Variants in MECOM observed in about 807,000 individuals in gnomAD.
MECOM encodes the protein histone-lysine N-methyltransferase MECOM.
MECOM carries 13 observed loss-of-function variants against 116.3 expected under a neutral mutation model. The observed-to-expected ratio is 0.11, with a 90% CI of 0.07 to 0.18. MECOM has a LOEUF of 0.18. Among genes scored for constraint, MECOM ranks in the 10% least tolerant of loss-of-function variants. The pLI is 1.00. For missense variants in MECOM, 1,299 were observed against 1,509.0 expected (o/e 0.86, Z 2.31); for synonymous variants, 528 against 535.2 (o/e 0.99, Z 0.19).
chr3:169,408,839 A>G (rs1038232976), intron 1 of MECOM, among the ~76,000 whole-genome samples: 3 of 151,956 alleles, frequency 2.0e-5, no homozygotes, highest in African/African-American at 2.4e-5. Context: ...ACACTTTTTA[A>G]AAGGAGATTT....
intron 2 of MECOM, among the ~76,000 whole-genome samples, chr3:169,155,480 T>C (rs1741816424): frequency 6.6e-6 from 1 of 152,154 alleles, no homozygotes; most frequent in Non-Finnish European, 1.5e-5. Context: ...GTGAAGGCTA[T>C]TGTCCTTTTA....
At chr3:169,139,757 G>T (rs1737530967) in intron 3 of MECOM, among the ~76,000 whole-genome samples, 1 of 151,964 alleles carries the variant, frequency 6.6e-6, no homozygotes, top group African/African-American at 2.4e-5. Context: ...GGGGGTCTAT[G>T]GGTAGGTAGC....
At chr3:169,434,893 T>C (rs1009449798) in intron 1 of MECOM, among the ~76,000 whole-genome samples, 20 of 152,186 alleles carry the variant, frequency 1.3e-4, no homozygotes, top group Non-Finnish European at 1.5e-5. Context: ...TAAACTTCAT[T>C]ACATCATTTT....
At chr3:169,274,906 T>C (rs907184953) in intron 2 of MECOM, among the ~76,000 whole-genome samples, 2 of 152,080 alleles carry the variant, frequency 1.3e-5, no homozygotes, top group African/African-American at 4.8e-5. Flanking sequence ...AAATATAAAC[T>C]AAAATAAAAG....
intron 1 of MECOM, among the ~76,000 whole-genome samples, chr3:169,583,093 G>A (rs1765314553): frequency 6.6e-6 from 1 of 152,186 alleles, no homozygotes; most frequent in South Asian, 2.1e-4. Context: ...TTGGGAAATT[G>A]TCTTAATCTC....
intron 2 of MECOM, among the ~76,000 whole-genome samples, chr3:169,320,533 A>AC (rs747562366): frequency 1.8e-4 from 28 of 151,750 alleles, no homozygotes; most frequent in Non-Finnish European, 3.7e-4. Flanking sequence ...AAAGCCAATG[A>AC]CCCCCCTGTT....
intron 1 of MECOM, among the ~76,000 whole-genome samples, chr3:169,407,159 A>G (rs1307030550): frequency 2.6e-5 from 4 of 152,098 alleles, no homozygotes; most frequent in Non-Finnish European, 1.5e-5. Context: ...TTTCAAGGTT[A>G]TTCTAATAGT....
chr3:169,510,957 A>T (rs1755894876), intron 1 of MECOM, among the ~76,000 whole-genome samples: 1 of 152,196 alleles, frequency 6.6e-6, no homozygotes, highest in South Asian at 2.1e-4. Flanking sequence ...CAAGAAACTA[A>T]TTCAAAGCGT....
chr3:169,416,540 G>A (rs1382171503), intron 1 of MECOM, among the ~76,000 whole-genome samples: 2 of 150,680 alleles, frequency 1.3e-5, no homozygotes, highest in Non-Finnish European at 3.0e-5. Flanking sequence ...CAGAACTGAA[G>A]GAAATAGAGA....
rs188324024 is a variant in MECOM at position 169,522,284 on chromosome 3, C to T, written c.38-140760G>A. Among the ~76,000 whole-genome samples the T allele has an allele frequency of 2.0e-5, 3 of 152,286 alleles. No homozygotes were observed. The East Asian group carries it at 5.8e-4, about 29-fold the overall frequency. ...AAAAAAGTAAGATCTTGATCTCAGA[C>T]CTTAAAAAGTTCTAGTTTCTTTTCT... On this transcript the variant is annotated intron_variant, in intron 1 of 16. Coordinates refer to ENST00000651503, the MANE Select transcript of MECOM (RefSeq NM_004991.4).
intron 1 of MECOM, among the ~76,000 whole-genome samples, chr3:169,455,975 A>G (rs1176951490): frequency 6.6e-6 from 1 of 152,234 alleles, no homozygotes; most frequent in Non-Finnish European, 1.5e-5. Flanking sequence ...TTGGCCTGCA[A>G]AAGTTATCAT....
rs111415828 is a variant in MECOM, at chr3:169,531,269, C to G, written c.37+132067G>C. Among the ~76,000 whole-genome samples the G allele has an allele frequency of 8.2e-3, 1,242 of 152,282 alleles. 22 individuals are homozygous for G. The highest frequency in any genetic ancestry group is 0.028 in the African/African-American group (1,165 of 41,552). ...ACAATTAATTTATCTGCCAAAGACA[C>G]ACTTAACTGTTTCATGAGGCTCCTG... On this transcript the variant is annotated intron_variant, in intron 1 of 16. Coordinates refer to ENST00000651503, the MANE Select transcript of MECOM (RefSeq NM_004991.4).
chr3:169,544,124 A>G (rs985473015), intron 1 of MECOM, among the ~76,000 whole-genome samples: 10 of 152,210 alleles, frequency 6.6e-5, no homozygotes, highest in African/African-American at 9.6e-5. Context: ...CTGACCTCAG[A>G]AGCTGCTCTT....
intron 1 of MECOM, among the ~76,000 whole-genome samples, chr3:169,493,430 C>A (rs1753368993): frequency 6.6e-6 from 1 of 152,110 alleles, no homozygotes; most frequent in African/African-American, 2.4e-5. Flanking sequence ...GTAACAAAAC[C>A]ACATTGCTGC....
intron 1 of MECOM, among the ~76,000 whole-genome samples, chr3:169,485,973 C>T (rs370559072): frequency 0.079 from 4,252 of 53,546 alleles, 136 homozygotes; most frequent in Non-Finnish European, 0.086. Context: ...ACTATATATA[C>T]ATATATATAT....
At chr3:169,206,893 G>A (rs995713447) in intron 2 of MECOM, among the ~76,000 whole-genome samples, 1 of 151,932 alleles carries the variant, frequency 6.6e-6, no homozygotes, top group Non-Finnish European at 1.5e-5. Context: ...AACAAACACT[G>A]GCTCAGAGAT....
rs935781797 is a variant in MECOM, at chr3:169,084,738, T to G, written c.*171A>C. On this transcript the variant is annotated 3_prime_UTR_variant, in exon 17 of 17. Coordinates refer to ENST00000651503, the MANE Select transcript of MECOM (RefSeq NM_004991.4). ...AACAAAATATCGAGAATAAATAGTTTCTTTTTTCTTTCTTTTCTTTTTTAA... is the reference window on the plus strand; with the variant it reads ...AACAAAATATCGAGAATAAATAGTTGCTTTTTTCTTTCTTTTCTTTTTTAA... The G allele has an allele frequency of 1.9e-5, 13 of 672,382 alleles. No homozygotes were observed. Among genetic ancestry groups the G allele is most frequent in the Non-Finnish European group, 3.0e-5 (13 of 433,588 alleles). The allele number at this position is 672,382 out of a possible 1,614,324, so 41.7% of individuals were successfully genotyped here.
At chr3:169,135,723 G>C (rs759402906) in intron 3 of MECOM, among the ~76,000 whole-genome samples, 1 of 151,728 alleles carries the variant, frequency 6.6e-6, no homozygotes, top group Non-Finnish European at 1.5e-5. Context: ...TATCTTGCTA[G>C]ACTCTTTTTA....
chr3:169,125,344 G>A (rs1306092820), intron 5 of MECOM, among the ~76,000 whole-genome samples: 4 of 152,066 alleles, frequency 2.6e-5, no homozygotes, highest in Non-Finnish European at 5.9e-5. Context: ...AATTCTCACT[G>A]TCCGTCCCTA....
Sources: gnomAD v4.1 joint callset for allele counts (sites outside exome capture counted in the v4.1 genomes callset) on GRCh38, gnomAD v4.1.1 for gene constraint, MANE v1.5 for transcripts, NCBI Gene and HGNC (gene_info 2026-07-23, HGNC 2026-07-21) for gene names.